Variants in SLC24A3 observed in about 807,000 individuals in gnomAD.
The protein encoded by SLC24A3 is sodium/potassium/calcium exchanger 3.
In SLC24A3, 28 loss-of-function variants were observed where a neutral mutation model predicts 75.8. The observed-to-expected ratio is 0.37, with a 90% CI of 0.27 to 0.51. The LOEUF is 0.51. Ranked by LOEUF, SLC24A3 falls within the 20% of genes least tolerant of loss-of-function variation. The pLI, the probability that SLC24A3 is intolerant of heterozygous loss-of-function variation, is 0.94. For missense variants in SLC24A3, 663 were observed against 847.8 expected (o/e 0.78, Z 2.71); for synonymous variants, 372 against 334.1 (o/e 1.11, Z -1.24).
At chr20:19,472,950 G>A (rs1412105753) in intron 2 of SLC24A3, among the ~76,000 whole-genome samples, 1 of 152,210 alleles carries the variant, frequency 6.6e-6, no homozygotes, top group Non-Finnish European at 1.5e-5. Flanking sequence ...AGGGAACAAG[G>A]GGTGTTTAGC....
At chr20:19,289,734 A>G (rs920233228) in intron 2 of SLC24A3, among the ~76,000 whole-genome samples, 1 of 152,118 alleles carries the variant, frequency 6.6e-6, no homozygotes, top group East Asian at 1.9e-4. Context: ...ACTCCCACCC[A>G]CCTGGCTCCC....
chr20:19,213,047 C>A, intron 1 of SLC24A3, 63 bp downstream of exon 1: 1 of 1,154,070 alleles, frequency 8.7e-7, no homozygotes, highest in Non-Finnish European at 1.1e-6. Flanking sequence ...GCTCCCGGGG[C>A]TGGGCGCGGG....
At chr20:19,436,271 C>G (rs1987200880) in intron 2 of SLC24A3, among the ~76,000 whole-genome samples, 1 of 152,168 alleles carries the variant, frequency 6.6e-6, no homozygotes, top group Non-Finnish European at 1.5e-5. Context: ...TGGGAATACT[C>G]TCCTCTGACT....
chr20:19,553,835 C>T (rs370215464), intron 3 of SLC24A3, among the ~76,000 whole-genome samples: 17 of 152,150 alleles, frequency 1.1e-4, no homozygotes, highest in Middle Eastern at 3.4e-3. Context: ...CAAAAAAAGA[C>T]GGAGCGTATA....
chr20:19,462,491 C>A (rs1288118557), intron 2 of SLC24A3, among the ~76,000 whole-genome samples: 1 of 152,212 alleles, frequency 6.6e-6, no homozygotes, highest in African/African-American at 2.4e-5. Context: ...TTGAGAACCA[C>A]TGCCCTGGAC....
intron 2 of SLC24A3, among the ~76,000 whole-genome samples, chr20:19,420,588 C>A (rs1568613280): frequency 1.0e-5 from 1 of 100,480 alleles, no homozygotes; most frequent in Non-Finnish European, 1.9e-5. Context: ...AATGGCCATA[C>A]TGCCATTTTC....
chr20:19,698,295 C>T (rs1007044523), intron 14 of SLC24A3, among the ~76,000 whole-genome samples: 1 of 152,232 alleles, frequency 6.6e-6, no homozygotes, highest in African/African-American at 2.4e-5. Context: ...TGTGGGGACA[C>T]AGACACAAAG....
At chr20:19,230,771 A>G (rs188035484) in intron 1 of SLC24A3, among the ~76,000 whole-genome samples, 131 of 152,126 alleles carry the variant, frequency 8.6e-4, no homozygotes, top group African/African-American at 2.8e-3. Context: ...GCATGTCACA[A>G]TCCCTTCTTG....
chr20:19,258,416 A>G (rs1048999216), intron 1 of SLC24A3, among the ~76,000 whole-genome samples: 1 of 152,250 alleles, frequency 6.6e-6, no homozygotes, highest in Admixed American at 6.5e-5. Flanking sequence ...GTAATAAACT[A>G]TAATGATGGT....
chr20:19,658,063 G>A (rs1165627200), intron 7 of SLC24A3, among the ~76,000 whole-genome samples: 1 of 151,998 alleles, frequency 6.6e-6, no homozygotes, highest in African/African-American at 2.4e-5. Context: ...TCCTGAGGTT[G>A]TGTAATAAAG....
At chr20:19,510,445 T>A (rs984948603) in intron 2 of SLC24A3, among the ~76,000 whole-genome samples, 1 of 152,198 alleles carries the variant, frequency 6.6e-6, no homozygotes, top group African/African-American at 2.4e-5. Context: ...TTTCCTGCAA[T>A]AAGATACCTT....
intron 7 of SLC24A3, among the ~76,000 whole-genome samples, chr20:19,661,723 G>A (rs556283686): frequency 3.5e-4 from 53 of 152,284 alleles, no homozygotes; most frequent in Admixed American, 2.7e-3. Flanking sequence ...ACAATTTACA[G>A]TAAGCAAACC....
At chr20:19,713,482 G>A (rs1385862013) in intron 15 of SLC24A3, among the ~76,000 whole-genome samples, 2 of 152,192 alleles carry the variant, frequency 1.3e-5, no homozygotes, top group Admixed American at 6.5e-5. Flanking sequence ...CTGCCCCACA[G>A]AACACTGGCC....
At chr20:19,434,863 T>C (rs1203674098) in intron 2 of SLC24A3, among the ~76,000 whole-genome samples, 1 of 152,210 alleles carries the variant, frequency 6.6e-6, no homozygotes, top group African/African-American at 2.4e-5. Context: ...AACTCTTTCC[T>C]TCTTGCTGGC....
chr20:19,460,144 T>C (rs1987644834), intron 2 of SLC24A3, among the ~76,000 whole-genome samples: 1 of 152,156 alleles, frequency 6.6e-6, no homozygotes, highest in Admixed American at 6.5e-5. Flanking sequence ...TTAGGGAGGT[T>C]TGCCCTCTTG....
chr20:19,489,309 T>A (rs1162418130), intron 2 of SLC24A3, among the ~76,000 whole-genome samples: 1 of 152,250 alleles, frequency 6.6e-6, no homozygotes, highest in African/African-American at 2.4e-5. Context: ...TGGGTTTTCA[T>A]GTCTTAGAAT....
chr20:19,453,310 C>T (rs1459199765), intron 2 of SLC24A3, among the ~76,000 whole-genome samples: 2 of 152,072 alleles, frequency 1.3e-5, no homozygotes, highest in Non-Finnish European at 2.9e-5. Flanking sequence ...TGATCATGAT[C>T]ATGCCACTGC....
chr20:19,658,936 G>A (rs2032295817), intron 7 of SLC24A3, among the ~76,000 whole-genome samples: 1 of 152,118 alleles, frequency 6.6e-6, no homozygotes, highest in South Asian at 2.1e-4. Context: ...ACAGTTTTTT[G>A]TATTGAAATG....
intron 2 of SLC24A3, among the ~76,000 whole-genome samples, chr20:19,469,325 G>A (rs1369621298): frequency 6.6e-6 from 1 of 152,162 alleles, no homozygotes; most frequent in Non-Finnish European, 1.5e-5. Context: ...CAGCAGTGGG[G>A]AGCTTTGATG....
Sources: gnomAD v4.1 joint callset for allele counts (sites outside exome capture counted in the v4.1 genomes callset) on GRCh38, gnomAD v4.1.1 for gene constraint, MANE v1.5 for transcripts, NCBI Gene and HGNC (gene_info 2026-07-23, HGNC 2026-07-21) for gene names.